Variants in ELN observed in about 807,000 individuals in gnomAD.
ELN encodes elastin.
In ELN, 65 loss-of-function variants were observed where a neutral mutation model predicts 105.8. The observed-to-expected ratio is 0.61, with a 90% confidence interval of 0.50 to 0.75. The LOEUF (loss-of-function observed/expected upper bound fraction) is 0.75, where lower values mean the gene tolerates loss of function less well. Among genes scored for constraint, ELN ranks in the 30% least tolerant of loss-of-function variants. ELN has a pLI of 0.00. For missense variants in ELN, 882 were observed against 969.4 expected, an observed-to-expected ratio of 0.91 and a Z score of 1.20; for synonymous variants, 368 against 389.2, an observed-to-expected ratio of 0.95 and a Z score of 0.64.
intron 15 of ELN, among the ~76,000 whole-genome samples, chr7:74,048,829 A>G (rs1554674190): frequency 6.7e-6 from 1 of 150,260 alleles, no homozygotes; most frequent in African/African-American, 2.5e-5. Context: ...CCATTCATGT[A>G]CTCATCTGCC....
At chr7:74,059,540 C>T (rs991568534) in intron 22 of ELN, 17 of 391,586 alleles carry the variant, frequency 4.3e-5, no homozygotes, top group South Asian at 1.1e-4. Flanking sequence ...AAAAATTAGC[C>T]GGGCATGGTG....
At chr7:74,047,089 A>G (rs976977279) in intron 12 of ELN, among the ~76,000 whole-genome samples, 5 of 148,708 alleles carry the variant, frequency 3.4e-5, no homozygotes, top group African/African-American at 5.1e-5. Context: ...CCTCCAAAAA[A>G]AGAAAAAGAA....
At chr7:74,044,142 G>A (rs1791911152) in intron 9 of ELN, among the ~76,000 whole-genome samples, 2 of 152,272 alleles carry the variant, frequency 1.3e-5, no homozygotes, top group African/African-American at 4.8e-5. Context: ...TCGGGAGGCT[G>A]AGGTGGGAGG....
chr7:74,056,613 G>C, intron 20 of ELN, 59 bp from the exon 21 acceptor site: 1 of 1,612,896 alleles, frequency 6.2e-7, no homozygotes, highest in South Asian at 1.1e-5. Context: ...TTTAAACACG[G>C]CTCGGAGGAG....
At chr7:74,059,748 G>A (rs1472670629) in intron 22 of ELN, 138 bp from the exon 23 acceptor site, 3 of 766,364 alleles carry the variant, frequency 3.9e-6, no homozygotes, top group Non-Finnish European at 7.2e-6. Context: ...AGGAAGCTGA[G>A]GCCCAGCAAG....
chr7:74,032,623 T>C (rs926883998), intron 1 of ELN, among the ~76,000 whole-genome samples: 5 of 152,188 alleles, frequency 3.3e-5, no homozygotes, highest in African/African-American at 1.2e-4. Flanking sequence ...GGCATGAAGT[T>C]TGGCAAATGC....
At chr7:74,052,781 G>GAGAA (rs1214309627) in intron 17 of ELN, 1 of 226,676 alleles carries the variant, frequency 4.4e-6, no homozygotes, top group African/African-American at 2.4e-5. Flanking sequence ...AAGAGAGAAA[G>GAGAA]AGAAAGAAAG....
In ELN at chr7:74,057,352, G is replaced by A. The variant is rs1193209597; in HGVS notation, c.1358-288G>A. 2.7e-6 allele frequency: 4 copies of A among 1,472,740 alleles called. No individual in the cohort carries two copies. The East Asian group carries it at 9.4e-5, about 35-fold the overall frequency. The allele number at this position is 1,472,740 out of a possible 1,614,324, so 91.2% of individuals were successfully genotyped here. On this transcript the variant is annotated intron_variant, in intron 21 of 32. Transcript: ENST00000252034. ...CCCCCAAAAAGTGAGTACTGGGAGGGGCAAGGCTGAAAGTTCTCCACTCCC... is the reference window on the plus strand; with the variant it reads ...CCCCCAAAAAGTGAGTACTGGGAGGAGCAAGGCTGAAAGTTCTCCACTCCC...
chr7:74,063,360 G>C lies in ELN; in HGVS notation c.1909G>C (p.Ala637Pro). The C allele has an allele frequency of 6.5e-7, 1 of 1,547,072 alleles. No homozygotes were observed. Residue 637 changes from alanine to proline, a missense_variant, in exon 28 of 33, where the codon GCC becomes CCC. Physicochemically the swap from Ala to Pro is conservative, Grantham distance 27. Coordinates refer to ENST00000252034, the MANE Select transcript of ELN (RefSeq NM_000501.4). The surrounding 1 kb of genome is among the most constrained non-coding windows in gnomAD (Gnocchi z 4.1). ...CGCAGCCAAAGCTGCTGCCAAAGCC[G>C]CCCAGTTTGGTGAGCACTGGGTGGA... ...AAAAKAAAKA[A>P]QFGLVGAAGL...
At chr7:74,060,576 C>T in intron 25 of ELN, 75 bp downstream of exon 25, 1 of 1,607,282 alleles carries the variant, frequency 6.2e-7, no homozygotes, top group Non-Finnish European at 8.5e-7. Context: ...TCAGCACCTC[C>T]CCAGCACCCC....
At chr7:74,043,686 C>T (rs949343202) in intron 8 of ELN, 193 bp from the exon 9 acceptor site, 4 of 706,546 alleles carry the variant, frequency 5.7e-6, no homozygotes, top group African/African-American at 5.2e-5. Context: ...ATCCACACAC[C>T]GAAGAGTTTG....
At chr7:74,068,512 A>T in intron 32 of ELN, 145 bp from the exon 33 acceptor site, 4 of 881,016 alleles carry the variant, frequency 4.5e-6, no homozygotes, top group Non-Finnish European at 7.3e-6. Flanking sequence ...GATGGCATGG[A>T]TCAGGTCTGA....
intron 32 of ELN, among the ~76,000 whole-genome samples, chr7:74,068,084 T>C (rs1798373410): frequency 6.6e-6 from 1 of 151,876 alleles, no homozygotes; most frequent in South Asian, 2.1e-4. Context: ...TAGACAATGG[T>C]GCCTTACCTA....
At chr7:74,028,951 T>G (rs1859763) in intron 1 of ELN, among the ~76,000 whole-genome samples, 146,699 of 152,214 alleles carry the variant, frequency 0.96, 70,700 homozygotes, top group African/African-American at 0.99. Context: ...GTGCATGTGT[T>G]CAGATGCCCG....
rs781930627 is a variant in ELN at position 74,065,910 on chromosome 7, G to A, written c.2033-34G>A. The A allele has an allele frequency of 1.3e-5, 21 of 1,614,024 alleles. No homozygotes were observed. The African/African-American group carries it at 2.0e-4, about 15-fold the overall frequency. On this transcript the variant is annotated intron_variant, in intron 30 of 32. Coordinates refer to ENST00000252034, the MANE Select transcript of ELN (RefSeq NM_000501.4). ...ATATCAGGGCCTCTTCCCGATGGGG[G>A]TGTCTTATCCTGACCCCACCTGCCT...
At position 74,054,757 on chromosome 7, in the gene ELN, G is replaced by A. The variant is rs973649598; in HGVS notation, c.1138G>A (p.Ala380Thr). The change falls in exon 19 of 33, where the codon GCA (alanine) becomes ACA (threonine). Residue 380 changes from alanine (A) to threonine (T), a missense_variant. Transcript: ENST00000252034. ...AGCAGCTGCTAAGGCAGCTGCAAAG[G>A]CAGCCAAATACGGTGAGTGCTATGC... The part of the protein sequence containing the change: ...PEAAAKAAAK[A>T]AKYGARPGVG... The A allele has an allele frequency of 1.2e-5, 19 of 1,614,042 alleles. No individual in the cohort carries two copies. The Admixed American group carries it at 1.3e-4, about 11-fold the overall frequency.
chr7:74,068,899 C>A lies in ELN; in HGVS notation c.*199C>A. 1 of 653,340 alleles carries A rather than the reference C, an allele frequency of 1.5e-6. No individual in the cohort carries two copies. 40.5% of individuals were successfully genotyped at this position (653,340 alleles called of 1,614,324 possible). A position where few individuals can be genotyped will look rare whatever the true frequency, so the allele number is the denominator to read the frequency against. ...CCAAGTGCCCCGACCAGGAGGCCCC[C>A]TACTTCAGAGGCAAGGGCCATGTGG... On this transcript the variant is annotated 3_prime_UTR_variant, in exon 33 of 33. Coordinates refer to ENST00000252034, the MANE Select transcript of ELN (RefSeq NM_000501.4).
intron 29 of ELN, 94 bp from the exon 30 acceptor site, chr7:74,065,600 T>G (rs1584038886): frequency 7.0e-7 from 1 of 1,425,234 alleles, no homozygotes; most frequent in Admixed American, 2.2e-5. Flanking sequence ...GGCGAAGGAG[T>G]GAGACTCTGC....
Position 74,069,233 on chromosome 7 carries a change from C to A in ELN, c.*533C>A, listed in dbSNP as rs782742217. The A allele has an allele frequency of 4.1e-6, 1 of 245,684 alleles. No homozygotes were observed. 15.2% of individuals were successfully genotyped at this position (245,684 alleles called of 1,614,324 possible). A position where few individuals can be genotyped will look rare whatever the true frequency, so the allele number is the denominator to read the frequency against. ...CCCTCCTCTCCTGGGTCCACTTGGC[C>A]GTCTCCTCCCCACCGATCGCTGTTC... On this transcript the variant is annotated 3_prime_UTR_variant, in exon 33 of 33. Transcript: ENST00000252034.
Sources: gnomAD v4.1 joint callset for allele counts (sites outside exome capture counted in the v4.1 genomes callset) on GRCh38, gnomAD v4.1.1 for gene constraint, Gnocchi (gnomAD v3.1) non-coding constraint, MANE v1.5 for transcripts, NCBI Gene and HGNC (gene_info 2026-07-23, HGNC 2026-07-21) for gene names.